CADPS: variants seen among roughly 807,000 people sequenced by gnomAD.
CADPS encodes the protein calcium dependent secretion activator, also known as calcium-dependent secretion activator 1.
CADPS carries 57 observed loss-of-function variants against 167.3 expected under a neutral mutation model. That is an observed-to-expected ratio of 0.34 (90% CI 0.28 to 0.42). The LOEUF (loss-of-function observed/expected upper bound fraction) is 0.42, where lower values mean the gene tolerates loss of function less well. Among genes scored for constraint, CADPS ranks in the 20% least tolerant of loss-of-function variants. The probability of loss-of-function intolerance (pLI) is 1.00; values close to 1 mark genes in which losing one functional copy is unlikely to be tolerated. For missense variants in CADPS, 1,414 were observed against 1,738.1 expected, an observed-to-expected ratio of 0.81 and a Z score of 3.32; for synonymous variants, 676 against 635.3, an observed-to-expected ratio of 1.06 and a Z score of -0.96.
At chr3:62,869,008 T>C (rs2082178481) in intron 1 of CADPS, among the ~76,000 whole-genome samples, 1 of 152,098 alleles carries the variant, frequency 6.6e-6, no homozygotes, top group South Asian at 2.1e-4. Flanking sequence ...TGAGTATTCC[T>C]TATCCTCAGT....
chr3:62,513,630 G>C, intron 16 of CADPS: 2 of 1,538,624 alleles, frequency 1.3e-6, no homozygotes, highest in East Asian at 4.6e-5. Context: ...GAGGTGGTAG[G>C]TACTCACGAA....
chr3:62,484,331 T>C (rs762344778), intron 21 of CADPS, among the ~76,000 whole-genome samples: 6 of 152,314 alleles, frequency 3.9e-5, no homozygotes, highest in Non-Finnish European at 7.4e-5. Flanking sequence ...ATTTTACTAA[T>C]ATACATGTGA....
intron 6 of CADPS, among the ~76,000 whole-genome samples, chr3:62,609,797 C>A (rs2061238954): frequency 6.6e-6 from 1 of 151,926 alleles, no homozygotes; most frequent in Non-Finnish European, 1.5e-5. Flanking sequence ...CTTTAAAAAC[C>A]CAAGTAGAGG....
At chr3:62,746,406 G>A (rs551491741) in intron 3 of CADPS, among the ~76,000 whole-genome samples, 2 of 152,228 alleles carry the variant, frequency 1.3e-5, no homozygotes, top group East Asian at 3.9e-4. Flanking sequence ...TGTTTTCATG[G>A]CTCACTTCAG....
chr3:62,573,723 T>C (rs576814513), intron 8 of CADPS, among the ~76,000 whole-genome samples: 13 of 152,338 alleles, frequency 8.5e-5, no homozygotes, highest in African/African-American at 3.1e-4. Flanking sequence ...TACTTTGATG[T>C]CATCATCTCC....
At position 62,855,317 on chromosome 3, in the gene CADPS, C is replaced by G. The variant is rs60366200; in HGVS notation, c.441+19272G>C. Among the ~76,000 whole-genome samples, 29 of 151,922 alleles carry G rather than the reference C, an allele frequency of 1.9e-4. 1 individual carries two copies. Among genetic ancestry groups the G allele is most frequent in the Admixed American group, 3.3e-4 (5 of 15,216 alleles). ...CTCAGCATGGAAGTTGGATTCCTCT[C>G]TCTTAAGACATCCTTGATTTTCACT... On this transcript the variant is annotated intron_variant, in intron 1 of 29. Coordinates refer to ENST00000383710, the MANE Select transcript of CADPS (RefSeq NM_003716.4).
chr3:62,431,058 G>C (rs1310366562), intron 28 of CADPS, among the ~76,000 whole-genome samples: 1 of 151,644 alleles, frequency 6.6e-6, no homozygotes, highest in Non-Finnish European at 1.5e-5. Context: ...TGAGGATAGA[G>C]ATGAGGTCAC....
chr3:62,571,475 ATT>A (rs2081274375), intron 8 of CADPS, among the ~76,000 whole-genome samples: 1 of 152,038 alleles, frequency 6.6e-6, no homozygotes, highest in South Asian at 2.1e-4. Context: ...AAAGAAATTA[ATT>A]TTTTTATACA....
At chr3:62,779,760 C>T in intron 1 of CADPS, 1 of 325,736 alleles carries the variant, frequency 3.1e-6, no homozygotes, top group Non-Finnish European at 6.0e-6. Context: ...GGTTACCTGG[C>T]CAACCTCCAC....
rs61586697 is a variant in CADPS at position 62,474,153 on chromosome 3, ATT to A, written c.3477+18_3477+19del. The A allele has an allele frequency of 0.029, 21,222 of 721,794 alleles. 1 individual carries two copies. Among genetic ancestry groups the A allele is most frequent in the South Asian group, 0.052 (1,796 of 34,678 alleles). 44.7% of individuals were successfully genotyped at this position (721,794 alleles called of 1,614,324 possible). On this transcript the variant is annotated intron_variant, in intron 24 of 29. Coordinates refer to ENST00000383710, the MANE Select transcript of CADPS (RefSeq NM_003716.4). ...AATGAAGAGGGAAAAAAAAATCTGT[ATT>A]TTTTTTTTTTTTTTTACCTCTTGGC...
chr3:62,864,428 G>A (rs1379454043), intron 1 of CADPS, among the ~76,000 whole-genome samples: 6 of 152,304 alleles, frequency 3.9e-5, no homozygotes, highest in East Asian at 3.9e-4. Flanking sequence ...TGGGTAGCTT[G>A]AGCAACAGAT....
intron 28 of CADPS, among the ~76,000 whole-genome samples, chr3:62,428,722 C>G (rs2053296798): frequency 6.6e-6 from 1 of 152,170 alleles, no homozygotes; most frequent in Admixed American, 6.5e-5. Flanking sequence ...GAAGGGCTAC[C>G]TGTATACTTT....
At chr3:62,665,144 C>A (rs1303210891) in intron 3 of CADPS, among the ~76,000 whole-genome samples, 2 of 152,090 alleles carry the variant, frequency 1.3e-5, no homozygotes. Flanking sequence ...TAAAGGGTCC[C>A]AAGAAACAGA....
chr3:62,659,891 A>G (rs1202347323), intron 4 of CADPS, among the ~76,000 whole-genome samples: 5 of 152,238 alleles, frequency 3.3e-5, no homozygotes, highest in African/African-American at 1.2e-4. Flanking sequence ...TCTATCTCAT[A>G]GAAACCCTCA....
At chr3:62,803,587 T>C (rs2093912117) in intron 1 of CADPS, among the ~76,000 whole-genome samples, 1 of 152,062 alleles carries the variant, frequency 6.6e-6, no homozygotes, top group Admixed American at 6.6e-5. Context: ...AACTATATGA[T>C]CCTGGGTTCC....
chr3:62,414,756 C>A (rs1020736892), intron 28 of CADPS, among the ~76,000 whole-genome samples: 1 of 152,214 alleles, frequency 6.6e-6, no homozygotes, highest in Non-Finnish European at 1.5e-5. Flanking sequence ...GGGAGCCCCC[C>A]ACTAGGCCCA....
At chr3:62,711,836 T>G (rs1460427761) in intron 3 of CADPS, among the ~76,000 whole-genome samples, 1 of 152,228 alleles carries the variant, frequency 6.6e-6, no homozygotes. Context: ...ACTGAACAAT[T>G]TAGTATCCTT....
At chr3:62,669,225 G>T (rs942185392) in intron 3 of CADPS, among the ~76,000 whole-genome samples, 1 of 152,146 alleles carries the variant, frequency 6.6e-6, no homozygotes, top group Non-Finnish European at 1.5e-5. Flanking sequence ...GATGGAGGCT[G>T]CCAAGAGCCA....
At position 62,600,239 on chromosome 3, in the gene CADPS, C is replaced by A. The variant is rs114099836; in HGVS notation, c.1326-7491G>T. On this transcript the variant is annotated intron_variant, in intron 6 of 29. Coordinates refer to ENST00000383710, the MANE Select transcript of CADPS (RefSeq NM_003716.4). ...AGAGGATACTCAGCATGCAACAGCT[C>A]TCTTGGGAGCAAGGCGTCAATCCAT... Among the ~76,000 whole-genome samples, 545 of 151,514 alleles carry A rather than the reference C, an allele frequency of 3.6e-3. 3 individuals are homozygous for A. Among genetic ancestry groups the A allele is most frequent in the African/African-American group, 0.012 (492 of 41,272 alleles).
Sources: gnomAD v4.1 joint callset for allele counts (sites outside exome capture counted in the v4.1 genomes callset) on GRCh38, gnomAD v4.1.1 for gene constraint, MANE v1.5 for transcripts, NCBI Gene and HGNC (gene_info 2026-07-23, HGNC 2026-07-21) for gene names.